Variants in RDX observed in about 807,000 individuals in gnomAD.
RDX encodes the protein deafness, autosomal recessive 24.
RDX carries 32 observed loss-of-function variants against 83.7 expected under a neutral mutation model. That is an observed-to-expected ratio of 0.38 (90% CI 0.29 to 0.51). The LOEUF is 0.51. Ranked by LOEUF, RDX falls within the 20% of genes least tolerant of loss-of-function variation. The probability of loss-of-function intolerance (pLI) is 0.87; values close to 1 mark genes in which losing one functional copy is unlikely to be tolerated. For synonymous variants in RDX, 229 were observed against 222.7 expected, an observed-to-expected ratio of 1.03 and a Z score of -0.25; for missense variants, 600 against 689.9, an observed-to-expected ratio of 0.87 and a Z score of 1.46.
rs201399984 is a variant in RDX at position 110,237,637 on chromosome 11, G to C, written c.1106C>G (p.Thr369Ser). 91 of 1,614,046 alleles carry C rather than the reference G, an allele frequency of 5.6e-5. 1 individual carries two copies. In the Admixed American group the frequency reaches 1.2e-3, roughly 21 times the overall value. Residue 369 changes from threonine (T) to serine (S), a missense_variant, in exon 11 of 14, where the codon ACT (threonine) becomes AGT (serine). Physicochemically the swap from Thr to Ser is moderately conservative, Grantham distance 58 (BLOSUM62 1). Transcript: ENST00000645495. ...TTGATCCAGTTCTAGAGCTTTTCGA[G>C]TCTGTTCTTCTAGTTCTATGAAATA... ...IKAQKELEEQTRKALELDQER... is the reference protein window; with the variant it reads ...IKAQKELEEQSRKALELDQER...
chr11:110,268,145 T>C (rs1860135678), intron 3 of RDX, among the ~76,000 whole-genome samples: 1 of 151,750 alleles, frequency 6.6e-6, no homozygotes, highest in Non-Finnish European at 1.5e-5. Context: ...CTGTCTCTAC[T>C]AAAAATACAA....
chr11:110,218,420 T>C (rs905357043), intron 14 of RDX, among the ~76,000 whole-genome samples: 4 of 152,208 alleles, frequency 2.6e-5, no homozygotes, highest in African/African-American at 9.6e-5. Flanking sequence ...CCTACACATC[T>C]GTGGGGTCCT....
intron 5 of RDX, among the ~76,000 whole-genome samples, chr11:110,259,987 CT>C (rs926917709): frequency 1.0e-3 from 147 of 144,888 alleles, no homozygotes; most frequent in African/African-American, 7.5e-4. Flanking sequence ...AACTGTTCTT[CT>C]TTTTTTTTTT....
chr11:110,289,196 CCATTG>C (rs1591189226), intron 1 of RDX, among the ~76,000 whole-genome samples: 1 of 149,602 alleles, frequency 6.7e-6, no homozygotes, highest in Non-Finnish European at 1.5e-5. Context: ...CAAGATCGCG[CCATTG>C]CACTCCAGCC....
chr11:110,264,678 C>T, intron 4 of RDX, 101 bp downstream of exon 4: 3 of 792,056 alleles, frequency 3.8e-6, no homozygotes. Flanking sequence ...CAGATAACTA[C>T]AAAAGGAAGC....
chr11:110,244,198 C>T (rs953376081), intron 10 of RDX, among the ~76,000 whole-genome samples: 39 of 151,650 alleles, frequency 2.6e-4, no homozygotes, highest in African/African-American at 9.4e-4. Flanking sequence ...CCCGTCTCTA[C>T]TAAAAATATA....
intron 5 of RDX, among the ~76,000 whole-genome samples, chr11:110,262,044 T>C (rs867465512): frequency 2.2e-4 from 33 of 152,336 alleles, no homozygotes; most frequent in Non-Finnish European, 4.4e-4. Flanking sequence ...ATTAAAGTAA[T>C]TCTGATTATA....
chr11:110,178,166 G>A (rs2134214095), intron 15 of RDX, among the ~76,000 whole-genome samples: 1 of 152,222 alleles, frequency 6.6e-6, no homozygotes, highest in Non-Finnish European at 1.5e-5. Flanking sequence ...TGCTTCACCA[G>A]CAAAGACAAA....
rs1859246521 is a variant in RDX at position 110,249,623 on chromosome 11, C to T, written c.960-1790G>A. ...TCTAGAGAGGCTGGGCATGGTGGCTCACCACATTGTGAGGCAAAGGCGGGA... is the reference window on the plus strand; with the variant it reads ...TCTAGAGAGGCTGGGCATGGTGGCTTACCACATTGTGAGGCAAAGGCGGGA... On this transcript the variant is annotated intron_variant, in intron 9 of 13. Transcript: ENST00000645495. 3.3e-5 allele frequency among the ~76,000 whole-genome samples: 5 copies of T among 152,234 alleles called. No individual in the cohort carries two copies. In the South Asian group the frequency reaches 1.0e-3, roughly 32 times the overall value.
At chr11:110,186,934 A>C (rs1440784177) in intron 15 of RDX, among the ~76,000 whole-genome samples, 4 of 152,188 alleles carry the variant, frequency 2.6e-5, no homozygotes, top group Non-Finnish European at 5.9e-5. Flanking sequence ...GGAGCAGGGT[A>C]GGGCCCTCCA....
intron 9 of RDX, among the ~76,000 whole-genome samples, chr11:110,252,452 C>G (rs1171017342): frequency 6.6e-6 from 1 of 152,014 alleles, no homozygotes; most frequent in Non-Finnish European, 1.5e-5. Context: ...ATGAGCAGAA[C>G]AGTTAGGCAT....
chr11:110,261,381 C>G (rs1859798400), intron 5 of RDX, among the ~76,000 whole-genome samples: 1 of 152,174 alleles, frequency 6.6e-6, no homozygotes, highest in African/African-American at 2.4e-5. Flanking sequence ...AGCTAATTAT[C>G]TATACCACAA....
intron 1 of RDX, among the ~76,000 whole-genome samples, chr11:110,294,165 G>C (rs920800727): frequency 6.6e-6 from 1 of 152,220 alleles, no homozygotes; most frequent in African/African-American, 2.4e-5. Flanking sequence ...AGGCCGAGGC[G>C]GGCAGAACGC....
intron 5 of RDX, 148 bp from the exon 6 acceptor site, chr11:110,258,337 A>C: frequency 1.6e-6 from 1 of 612,324 alleles, no homozygotes; most frequent in Admixed American, 3.1e-5. Context: ...ACTAAATTAC[A>C]TACACACAGA....
intron 14 of RDX, among the ~76,000 whole-genome samples, chr11:110,208,442 G>A (rs1028685232): frequency 6.6e-6 from 1 of 152,010 alleles, no homozygotes; most frequent in Non-Finnish European, 1.5e-5. Flanking sequence ...TCTTCCCTTT[G>A]ATCCTCAACC....
intron 1 of RDX, among the ~76,000 whole-genome samples, chr11:110,295,561 G>GAA (rs1275560483): frequency 9.8e-6 from 1 of 101,974 alleles, no homozygotes; most frequent in African/African-American, 3.7e-5. Flanking sequence ...ACTCTTTAAG[G>GAA]AAAAAAAAAA....
intron 1 of RDX, among the ~76,000 whole-genome samples, chr11:110,290,967 C>T (rs1342711582): frequency 6.6e-6 from 1 of 152,152 alleles, no homozygotes; most frequent in Non-Finnish European, 1.5e-5. Flanking sequence ...CTACATATGA[C>T]TATCTGTAAT....
intron 3 of RDX, among the ~76,000 whole-genome samples, chr11:110,269,320 T>C (rs1487364032): frequency 2.0e-5 from 3 of 152,138 alleles, no homozygotes; most frequent in Non-Finnish European, 4.4e-5. Flanking sequence ...ACAGATGTTC[T>C]TGCACACTCT....
chr11:110,275,736 T>C (rs559647611), intron 2 of RDX, among the ~76,000 whole-genome samples: 2 of 152,104 alleles, frequency 1.3e-5, no homozygotes, highest in African/African-American at 4.8e-5. Context: ...AATTTTAATG[T>C]TGAATTTATA....
Sources: gnomAD v4.1 joint callset for allele counts (sites outside exome capture counted in the v4.1 genomes callset) on GRCh38, gnomAD v4.1.1 for gene constraint, MANE v1.5 for transcripts, NCBI Gene and HGNC (gene_info 2026-07-23, HGNC 2026-07-21) for gene names.